Variants in CA10 observed in about 807,000 individuals in gnomAD.
CA10 encodes the protein carbonic anhydrase-related protein 10.
Under a neutral mutation model 44.2 loss-of-function variants are expected in CA10, and 14 were observed. The ratio of observed to expected loss-of-function variants is 0.32; its 90% CI spans 0.21 to 0.50. CA10 has a LOEUF of 0.50. Ranked by LOEUF, CA10 falls within the 20% of genes least tolerant of loss-of-function variation. The pLI, the probability that CA10 is intolerant of heterozygous loss-of-function variation, is 0.99. For synonymous variants in CA10, 159 were observed against 141.6 expected, an observed-to-expected ratio of 1.12 and a Z score of -0.87; for missense variants, 350 against 409.7, an observed-to-expected ratio of 0.85 and a Z score of 1.26.
intron 4 of CA10, among the ~76,000 whole-genome samples, chr17:51,714,748 A>C (rs1916044993): frequency 6.6e-6 from 1 of 152,178 alleles, no homozygotes; most frequent in Non-Finnish European, 1.5e-5. Context: ...AGAAATCTGC[A>C]GAACACCAAT....
At chr17:51,744,614 C>CTAAATAAATAAATAAA (rs1208908622) in intron 4 of CA10, among the ~76,000 whole-genome samples, 1 of 151,960 alleles carries the variant, frequency 6.6e-6, no homozygotes, top group African/African-American at 2.4e-5. Context: ...CCCTTTCTCT[C>CTAAATAAATAAATAAA]TAAATAAATA....
intron 3 of CA10, among the ~76,000 whole-genome samples, chr17:51,838,064 T>C (rs1469595428): frequency 6.6e-6 from 1 of 152,242 alleles, no homozygotes; most frequent in Non-Finnish European, 1.5e-5. Flanking sequence ...AAAACTCTTA[T>C]GAAGTAGGTG....
At chr17:51,812,446 C>T (rs903031682) in intron 3 of CA10, among the ~76,000 whole-genome samples, 25 of 152,058 alleles carry the variant, frequency 1.6e-4, no homozygotes, top group Admixed American at 1.5e-3. Flanking sequence ...ATATTTACAC[C>T]ACTGAAATTG....
chr17:51,828,323 CT>C (rs776757577), intron 3 of CA10, among the ~76,000 whole-genome samples: 1 of 152,158 alleles, frequency 6.6e-6, no homozygotes, highest in Admixed American at 6.5e-5. Flanking sequence ...CCCACATGTC[CT>C]AGCTAGTCTG....
At chr17:51,758,655 C>T (rs190890680) in intron 3 of CA10, among the ~76,000 whole-genome samples, 13 of 152,288 alleles carry the variant, frequency 8.5e-5, no homozygotes, top group East Asian at 1.9e-4. Context: ...TGTAGGTTTC[C>T]GGGGGGTGAG....
chr17:51,792,885 GTATA>G (rs1418831180), intron 3 of CA10, among the ~76,000 whole-genome samples: 1 of 152,158 alleles, frequency 6.6e-6, no homozygotes, highest in Non-Finnish European at 1.5e-5. Flanking sequence ...AGACTATACG[GTATA>G]TATTATTGCC....
chr17:51,763,455 T>A (rs1421223995), intron 3 of CA10: 1 of 152,196 alleles, frequency 6.6e-6, no homozygotes, highest in Non-Finnish European at 1.5e-5. Flanking sequence ...GAAAGCATGT[T>A]CACCAGATGA....
At chr17:51,826,260 TGA>T in intron 3 of CA10, among the ~76,000 whole-genome samples, 1 of 152,220 alleles carries the variant, frequency 6.6e-6, no homozygotes, top group Admixed American at 6.5e-5. Flanking sequence ...TTCATGGAGA[TGA>T]CCCTTCTGGG....
intron 2 of CA10, among the ~76,000 whole-genome samples, chr17:51,976,016 A>G (rs2144078488): frequency 6.6e-6 from 1 of 152,322 alleles, no homozygotes; most frequent in East Asian, 1.9e-4. Flanking sequence ...ATATAGTTAT[A>G]TAGATACCTT....
At chr17:51,796,025 G>T (rs1413412310) in intron 3 of CA10, among the ~76,000 whole-genome samples, 1 of 152,232 alleles carries the variant, frequency 6.6e-6, no homozygotes, top group African/African-American at 2.4e-5. Context: ...TCTGGAATGA[G>T]ACAGAGGTTT....
intron 3 of CA10, among the ~76,000 whole-genome samples, chr17:51,924,997 A>G (rs550018309): frequency 1.2e-4 from 18 of 152,270 alleles, no homozygotes; most frequent in African/African-American, 4.1e-4. Flanking sequence ...TGAGATAACC[A>G]ATGTAGGTCT....
chr17:52,051,329 C>T (rs1220258817), intron 2 of CA10, among the ~76,000 whole-genome samples: 1 of 151,644 alleles, frequency 6.6e-6, no homozygotes, highest in Non-Finnish European at 1.5e-5. Flanking sequence ...AACTTCTGCA[C>T]AGCAAAAGAA....
At chr17:51,698,968 G>A (rs1477525446) in intron 4 of CA10, among the ~76,000 whole-genome samples, 1 of 152,038 alleles carries the variant, frequency 6.6e-6, no homozygotes, top group African/African-American at 2.4e-5. Context: ...CTATATATTG[G>A]TTATTATGAA....
At chr17:51,956,280 T>A (rs1016568333) in intron 2 of CA10, among the ~76,000 whole-genome samples, 1 of 152,158 alleles carries the variant, frequency 6.6e-6, no homozygotes, top group Non-Finnish European at 1.5e-5. Context: ...CTCTCCTGAT[T>A]TGGCATTTAT....
chr17:51,717,674 T>TATGC (rs1916173444), intron 4 of CA10, among the ~76,000 whole-genome samples: 2 of 93,576 alleles, frequency 2.1e-5, no homozygotes, highest in Admixed American at 2.6e-4. Context: ...TACATGTATA[T>TATGC]ATGTATATAT....
intron 3 of CA10, among the ~76,000 whole-genome samples, chr17:51,799,160 C>T (rs137855327): frequency 5.1e-4 from 77 of 152,308 alleles, no homozygotes; most frequent in African/African-American, 1.8e-3. Context: ...CAATATGGTT[C>T]TTGGAAGGCA....
At chr17:51,922,609 G>A (rs1375573000) in intron 3 of CA10, among the ~76,000 whole-genome samples, 5 of 152,050 alleles carry the variant, frequency 3.3e-5, no homozygotes, top group Non-Finnish European at 5.9e-5. Context: ...AATTCCCCGT[G>A]CTGCCACTTC....
At chr17:51,941,279 C>A (rs1041479169) in intron 2 of CA10, among the ~76,000 whole-genome samples, 7 of 152,232 alleles carry the variant, frequency 4.6e-5, no homozygotes, top group Middle Eastern at 3.4e-3. Context: ...GAGAATTAAG[C>A]CTCCTGAATC....
intron 3 of CA10, among the ~76,000 whole-genome samples, chr17:51,909,259 T>C (rs2143947205): frequency 6.6e-6 from 1 of 152,268 alleles, no homozygotes; most frequent in South Asian, 2.1e-4. Flanking sequence ...GATGACTGGA[T>C]GTCATCCCTG....
Sources: allele counts gnomAD v4.1 joint callset (sites outside exome capture counted in the v4.1 genomes callset), GRCh38; gene constraint gnomAD v4.1.1; transcripts MANE v1.5; gene names NCBI Gene and HGNC (gene_info 2026-07-23, HGNC 2026-07-21).